GDA: variants seen among roughly 807,000 people sequenced by gnomAD.
GDA encodes cytoplasmic PSD-95 interactor.
Under a neutral mutation model 59.6 loss-of-function variants are expected in GDA, and 18 were observed. The ratio of observed to expected loss-of-function variants is 0.30; its 90% CI spans 0.21 to 0.45. The LOEUF (loss-of-function observed/expected upper bound fraction) is 0.45. Among genes scored for constraint, GDA ranks in the 20% least tolerant of loss-of-function variants. The pLI is 1.00. For missense variants in GDA, 427 were observed against 552.3 expected (o/e 0.77, Z 2.27); for synonymous variants, 201 against 201.1 (o/e 1.00, Z 0.00).
At chr9:72,255,173 G>A (rs1840856473), downstream of GDA, among the ~76,000 whole-genome samples, 2 of 152,248 alleles carry the variant, frequency 1.3e-5, no homozygotes, top group South Asian at 4.2e-4. Context: ...ATGAGTTCTT[G>A]GCAGCTGTAT....
chr9:72,160,504 T>C (rs1828485146), intron 1 of GDA, among the ~76,000 whole-genome samples: 1 of 152,218 alleles, frequency 6.6e-6, no homozygotes, highest in African/African-American at 2.4e-5. Context: ...TGTGTCTGGC[T>C]TTTTAGACTT....
At chr9:72,155,265 C>T (rs1186369515) in intron 1 of GDA, among the ~76,000 whole-genome samples, 10 of 152,120 alleles carry the variant, frequency 6.6e-5, no homozygotes, top group Admixed American at 6.6e-4. Flanking sequence ...AGCGGAAACT[C>T]CTGATAAACC....
intron 1 of GDA, among the ~76,000 whole-genome samples, chr9:72,175,672 T>G (rs1330770469): frequency 1.3e-5 from 2 of 152,214 alleles, no homozygotes; most frequent in African/African-American, 4.8e-5. Context: ...TGAGACTGCA[T>G]TAATCTTTTG....
In GDA at chr9:72,210,847, T is replaced by C. The variant is rs1259830524; in HGVS notation, c.472+73T>C. 2.1e-5 allele frequency: 20 copies of C among 943,614 alleles called. No homozygotes were observed. In the East Asian group the frequency reaches 3.8e-4, roughly 18 times the overall value. The allele number at this position is 943,614 out of a possible 1,614,324, so 58.5% of individuals were successfully genotyped here. A position where few individuals can be genotyped will look rare whatever the true frequency, so the allele number is the denominator to read the frequency against. On this transcript the variant is annotated intron_variant, in intron 4 of 13. Coordinates refer to ENST00000358399, the MANE Select transcript of GDA (RefSeq NM_004293.5). ...AGACCATCGTGGCAAACAACTTATA[T>C]GTACTTTTGGGCAGACCTGCCTTTT...
At chr9:72,141,635 T>C (rs1448390644) in intron 1 of GDA, among the ~76,000 whole-genome samples, 3 of 152,096 alleles carry the variant, frequency 2.0e-5, no homozygotes, top group African/African-American at 7.2e-5. Flanking sequence ...TCCAGGAACA[T>C]GGAGTCTAGG....
chr9:72,220,518 A>T (rs994728508), intron 6 of GDA, among the ~76,000 whole-genome samples: 2 of 152,128 alleles, frequency 1.3e-5, no homozygotes, highest in East Asian at 1.9e-4. Context: ...CTTTTAGTTG[A>T]TCCAATTTTT....
chr9:72,131,376 A>G (rs1055376714), intron 1 of GDA, among the ~76,000 whole-genome samples: 13 of 152,088 alleles, frequency 8.5e-5, no homozygotes, highest in Admixed American at 4.6e-4. Context: ...CTTGCATTAG[A>G]CCATTCTTTT....
At chr9:72,130,043 C>A (rs1825973762) in intron 1 of GDA, among the ~76,000 whole-genome samples, 1 of 152,136 alleles carries the variant, frequency 6.6e-6, no homozygotes, top group Admixed American at 6.5e-5. Flanking sequence ...CCCCTGGCCT[C>A]TGTCACCTGC....
intron 1 of GDA, among the ~76,000 whole-genome samples, chr9:72,181,981 A>T (rs1831279397): frequency 6.6e-6 from 1 of 152,144 alleles, no homozygotes; most frequent in Non-Finnish European, 1.5e-5. Flanking sequence ...AATTTGCTTC[A>T]TTATTCTCTA....
At chr9:72,189,001 A>G (rs1258836159) in intron 1 of GDA, among the ~76,000 whole-genome samples, 1 of 151,588 alleles carries the variant, frequency 6.6e-6, no homozygotes, top group Non-Finnish European at 1.5e-5. Flanking sequence ...CTTTTTGCCT[A>G]TTTTTCCCTT....
intron 1 of GDA, among the ~76,000 whole-genome samples, chr9:72,115,215 C>A (rs1768446594): frequency 6.6e-6 from 1 of 152,208 alleles, no homozygotes; most frequent in Non-Finnish European, 1.5e-5. Context: ...TATGGAACAG[C>A]TCAAGCCATT....
intron 2 of GDA, among the ~76,000 whole-genome samples, chr9:72,199,052 G>T (rs1397396778): frequency 6.6e-6 from 1 of 152,078 alleles, no homozygotes; most frequent in Non-Finnish European, 1.5e-5. Context: ...TCTCTGCTTT[G>T]CCTGCAGCTG....
intron 6 of GDA, among the ~76,000 whole-genome samples, chr9:72,221,913 G>A (rs1277967807): frequency 6.6e-6 from 1 of 152,166 alleles, no homozygotes; most frequent in African/African-American, 2.4e-5. Context: ...TGGCTGCATA[G>A]TATTCCATGG....
intron 3 of GDA, among the ~76,000 whole-genome samples, chr9:72,205,641 A>G (rs10781086): frequency 0.41 from 62,149 of 151,922 alleles, 13,167 homozygotes; most frequent in East Asian, 0.54. Context: ...AACTTGTTCT[A>G]ATCACTTGGC....
chr9:72,185,662 C>T (rs1831777794), intron 1 of GDA, among the ~76,000 whole-genome samples: 1 of 152,072 alleles, frequency 6.6e-6, no homozygotes, highest in African/African-American at 2.4e-5. Flanking sequence ...GAAATATGTT[C>T]TTTTATTTTG....
At chr9:72,121,056 C>T (rs138336290) in intron 1 of GDA, among the ~76,000 whole-genome samples, 5 of 152,156 alleles carry the variant, frequency 3.3e-5, no homozygotes, top group Non-Finnish European at 5.9e-5. Flanking sequence ...AATACCCTCT[C>T]GAGAAGCATA....
At chr9:72,119,817 A>C (rs890228464) in intron 1 of GDA, among the ~76,000 whole-genome samples, 6 of 152,232 alleles carry the variant, frequency 3.9e-5, no homozygotes, top group African/African-American at 1.4e-4. Context: ...GTAAGCACAG[A>C]GAACCAATTA....
At chr9:72,256,338 A>T (rs7030520), downstream of GDA, among the ~76,000 whole-genome samples, 1 of 152,010 alleles carries the variant, frequency 6.6e-6, no homozygotes, top group Non-Finnish European at 1.5e-5. Context: ...AGTTCTGAGG[A>T]TTAAAAATAA....
chr9:72,206,717 G>A (rs1280222950), intron 3 of GDA, among the ~76,000 whole-genome samples: 18 of 152,104 alleles, frequency 1.2e-4, no homozygotes, highest in Non-Finnish European at 7.4e-5. Flanking sequence ...AGGTTGCAGT[G>A]AGCCAAGGTG....
Sources: gnomAD v4.1 joint callset for allele counts (sites outside exome capture counted in the v4.1 genomes callset) on GRCh38, gnomAD v4.1.1 for gene constraint, MANE v1.5 for transcripts, NCBI Gene and HGNC (gene_info 2026-07-23, HGNC 2026-07-21) for gene names.